Variants in NECTIN1 observed in about 807,000 individuals in gnomAD.
The protein encoded by NECTIN1 is nectin-1.
NECTIN1 carries 23 observed loss-of-function variants against 48.0 expected under a neutral mutation model. That is an observed-to-expected ratio of 0.48 (90% CI 0.34 to 0.68). The LOEUF is 0.68. Ranked by LOEUF, NECTIN1 falls within the 30% of genes least tolerant of loss-of-function variation. The pLI is 0.01. For synonymous variants in NECTIN1, 270 were observed against 288.9 expected, an observed-to-expected ratio of 0.93 and a Z score of 0.66; for missense variants, 591 against 709.9, an observed-to-expected ratio of 0.83 and a Z score of 1.90.
intron 5 of NECTIN1, among the ~76,000 whole-genome samples, chr11:119,648,277 ATGGTGGTGGTGATGGTGGTGGTGGTGG>A (rs1864429566): frequency 4.0e-5 from 1 of 25,014 alleles, no homozygotes; most frequent in African/African-American, 2.1e-4. Flanking sequence ...GGTGGTGGTG[ATGGTGGTGGTGATGGTGGTGGTGGTGG>A]TGATGGTGGT....
chr11:119,682,044 G>C (rs558162438), intron 1 of NECTIN1, among the ~76,000 whole-genome samples: 1 of 152,224 alleles, frequency 6.6e-6, no homozygotes, highest in African/African-American at 2.4e-5. Flanking sequence ...AGATTGGAAA[G>C]GCCTAAAAAC....
chr11:119,651,486 A>G (rs1169611600), intron 5 of NECTIN1, among the ~76,000 whole-genome samples: 2 of 152,060 alleles, frequency 1.3e-5, no homozygotes, highest in Non-Finnish European at 2.9e-5. Flanking sequence ...CGGAGGAGAC[A>G]TGGGGAGCCT....
intron 5 of NECTIN1, chr11:119,674,641 CAGAA>C: frequency 4.3e-6 from 7 of 1,614,236 alleles, no homozygotes; most frequent in Non-Finnish European, 5.9e-6. Context: ...GATAAGTTGA[CAGAA>C]AGCTGCAGGG....
intron 1 of NECTIN1, among the ~76,000 whole-genome samples, chr11:119,723,577 A>C (rs1359605828): frequency 6.6e-6 from 1 of 152,050 alleles, no homozygotes; most frequent in African/African-American, 2.4e-5. Flanking sequence ...AAGATTCTAC[A>C]ATCTGCTGTC....
intron 1 of NECTIN1, among the ~76,000 whole-genome samples, chr11:119,721,197 C>T (rs569540614): frequency 2.6e-5 from 4 of 152,380 alleles, no homozygotes; most frequent in African/African-American, 7.2e-5. Context: ...TTCCACCCAG[C>T]TCCTCCCGGA....
chr11:119,716,936 G>C (rs1403280550), intron 1 of NECTIN1, among the ~76,000 whole-genome samples: 2 of 152,226 alleles, frequency 1.3e-5, no homozygotes, highest in Non-Finnish European at 2.9e-5. Flanking sequence ...TACACACACA[G>C]AGGACATAAA....
At chr11:119,648,288 G>A (rs1433790833) in intron 5 of NECTIN1, among the ~76,000 whole-genome samples, 2 of 65,138 alleles carry the variant, frequency 3.1e-5, no homozygotes, top group African/African-American at 1.3e-4. Flanking sequence ...TGGTGGTGGT[G>A]ATGGTGGTGG....
rs560866144 is a variant in NECTIN1, at chr11:119,709,773, C to G, written c.79+18702G>C. 1 of 152,248 alleles carries G rather than the reference C, an allele frequency of 6.6e-6. No individual in the cohort carries two copies. The highest frequency in any genetic ancestry group is 1.9e-4 in the East Asian group (1 of 5,180). The allele number at this position is 152,248 out of a possible 1,614,324, so 9.4% of individuals were successfully genotyped here. A position where few individuals can be genotyped will look rare whatever the true frequency, so the allele number is the denominator to read the frequency against. On this transcript the variant is annotated intron_variant, in intron 1 of 5. Coordinates refer to ENST00000264025, the MANE Select transcript of NECTIN1 (RefSeq NM_002855.5). This position sits in a 1 kb window ranked among gnomAD's most constrained non-coding sequence, Gnocchi z 4.1. ...GGAGAGAGGGCAGGACGAGGCGGAG[C>G]GGGTTTGAGGGGGAGGACCTAGCTG...
intron 5 of NECTIN1, among the ~76,000 whole-genome samples, chr11:119,670,382 C>A (rs1198015720): frequency 6.6e-6 from 1 of 152,202 alleles, no homozygotes; most frequent in Non-Finnish European, 1.5e-5. Flanking sequence ...ACCTAGACCG[C>A]TTGTCATGTG....
intron 1 of NECTIN1, among the ~76,000 whole-genome samples, chr11:119,699,151 G>A (rs1865391655): frequency 6.6e-6 from 1 of 152,154 alleles, no homozygotes; most frequent in African/African-American, 2.4e-5. Context: ...GAGGATAAGG[G>A]GAAGTGCCAT....
rs543537371 is a variant in NECTIN1 at position 119,664,129 on chromosome 11, A to G, written c.*618T>C. 10 of 986,008 alleles carry G rather than the reference A, an allele frequency of 1.0e-5. No individual in the cohort carries two copies. In the African/African-American group the frequency reaches 1.6e-4, roughly 15 times the overall value. The allele number at this position is 986,008 out of a possible 1,614,324, so 61.1% of individuals were successfully genotyped here. ...ATGTAAAACCACCCTCAGCAGGAAA[A>G]CACTGCCCAAGGCCCCGCTTAACAA... On this transcript the variant is annotated 3_prime_UTR_variant, in exon 6 of 6. Transcript: ENST00000264025.
At chr11:119,649,621 C>T (rs962156104) in intron 5 of NECTIN1, among the ~76,000 whole-genome samples, 19 of 152,042 alleles carry the variant, frequency 1.2e-4, no homozygotes, top group Admixed American at 4.6e-4. Context: ...ACCCTGGAGG[C>T]GGAGGTTGCA....
rs138719024 is a variant in NECTIN1, at chr11:119,719,008, A to G, written c.79+9467T>C. Among the ~76,000 whole-genome samples, 312 of 152,334 alleles carry G rather than the reference A, an allele frequency of 2.0e-3. 1 individual carries two copies. Among genetic ancestry groups the G allele is most frequent in the Middle Eastern group, 6.8e-3 (2 of 294 alleles). ...ATACACATAGGCTGAAGGTAATTTT[A>G]TACAGTGGCTTTAATAATTCTGTGG... On this transcript the variant is annotated intron_variant, in intron 1 of 5. Coordinates refer to ENST00000264025, the MANE Select transcript of NECTIN1 (RefSeq NM_002855.5).
intron 5 of NECTIN1, among the ~76,000 whole-genome samples, chr11:119,653,632 T>C (rs1864523932): frequency 6.6e-6 from 1 of 152,362 alleles, no homozygotes; most frequent in African/African-American, 2.4e-5. Flanking sequence ...GCAAGTGTCT[T>C]ACTTCTTGAT....
At chr11:119,660,031 T>G (rs1864635773), downstream of NECTIN1, among the ~76,000 whole-genome samples, 1 of 152,210 alleles carries the variant, frequency 6.6e-6, no homozygotes, top group Non-Finnish European at 1.5e-5. Context: ...TGCTGGCTTC[T>G]CCTTCTGCAC....
chr11:119,715,380 A>C (rs1865727778), intron 1 of NECTIN1, among the ~76,000 whole-genome samples: 1 of 151,384 alleles, frequency 6.6e-6, no homozygotes, highest in African/African-American at 2.4e-5. Flanking sequence ...TTTAAGATGG[A>C]GTTTCACTCT....
intron 4 of NECTIN1, among the ~76,000 whole-genome samples, chr11:119,676,003 C>T (rs1408115038): frequency 8.6e-6 from 1 of 116,012 alleles, no homozygotes; most frequent in Non-Finnish European, 1.7e-5. Context: ...GAAAATCCGT[C>T]TCAAAGAAAA....
At chr11:119,648,063 CAAA>C (rs55695982) in intron 5 of NECTIN1, among the ~76,000 whole-genome samples, 9 of 43,088 alleles carry the variant, frequency 2.1e-4, no homozygotes, top group Admixed American at 2.0e-3. Flanking sequence ...GACACCGTCT[CAAA>C]AAAAAAAAAA....
chr11:119,669,922 T>G (rs570482863), intron 5 of NECTIN1, among the ~76,000 whole-genome samples: 1 of 151,942 alleles, frequency 6.6e-6, no homozygotes, highest in East Asian at 1.9e-4. Flanking sequence ...ATCCCCTTAC[T>G]CTCTTTTTTT....
Sources: gnomAD v4.1 joint callset for allele counts (sites outside exome capture counted in the v4.1 genomes callset) on GRCh38, gnomAD v4.1.1 for gene constraint, Gnocchi (gnomAD v3.1) non-coding constraint, MANE v1.5 for transcripts, NCBI Gene and HGNC (gene_info 2026-07-23, HGNC 2026-07-21) for gene names.